Variants in MED12L observed in about 807,000 individuals in gnomAD.
MED12L encodes the protein mediator complex subunit 12L.
MED12L carries 60 observed loss-of-function variants against 281.3 expected under a neutral mutation model. That is an observed-to-expected ratio of 0.21 (90% confidence interval 0.17 to 0.26). The LOEUF (loss-of-function observed/expected upper bound fraction) is 0.26. Ranked by LOEUF, MED12L falls within the 10% of genes least tolerant of loss-of-function variation. The pLI, the probability that MED12L is intolerant of heterozygous loss-of-function variation, is 1.00. For missense variants in MED12L, 2,146 were observed against 2,680.9 expected (o/e 0.80, Z 4.41); for synonymous variants, 974 against 987.2 (o/e 0.99, Z 0.25).
chr3:151,277,177 T>G (rs1027811940), intron 16 of MED12L, among the ~76,000 whole-genome samples: 2 of 151,452 alleles, frequency 1.3e-5, no homozygotes, highest in Non-Finnish European at 2.9e-5. Flanking sequence ...GTGCTGGGAT[T>G]ACAGGTGTGA....
intron 11 of MED12L, among the ~76,000 whole-genome samples, chr3:151,183,621 T>C (rs73018622): frequency 0.074 from 11,249 of 152,318 alleles, 956 homozygotes; most frequent in East Asian, 0.2. Flanking sequence ...TGTTGTAGTT[T>C]ATTCAGTAGA....
chr3:151,330,637 T>A (rs556118486), intron 16 of MED12L, among the ~76,000 whole-genome samples: 1 of 152,144 alleles, frequency 6.6e-6, no homozygotes, highest in Non-Finnish European at 1.5e-5. Flanking sequence ...TGTTAGTTGA[T>A]CACAAAGTTT....
At chr3:151,220,514 C>G (rs954080068) in intron 16 of MED12L, among the ~76,000 whole-genome samples, 1 of 152,100 alleles carries the variant, frequency 6.6e-6, no homozygotes, top group Non-Finnish European at 1.5e-5. Flanking sequence ...TTGTAGCTCC[C>G]GTAATACCCA....
intron 16 of MED12L, among the ~76,000 whole-genome samples, chr3:151,345,043 G>A (rs1384493152): frequency 2.6e-5 from 4 of 152,294 alleles, no homozygotes; most frequent in African/African-American, 9.6e-5. Flanking sequence ...TTTAATTCGT[G>A]TAGTACAACA....
rs750573047 is a variant in MED12L, at chr3:151,127,969, C to G, written c.541C>G (p.Pro181Ala). ...SEAKIKKRQA[P>A]DPNLEWTQIS... Reference sequence around the variant, plus strand: ...AGCTAAAATTAAGAAACGTCAGGCTCCTGATCCGAATTTGGGTAAGTGAGA... The same window carrying G: ...AGCTAAAATTAAGAAACGTCAGGCTGCTGATCCGAATTTGGGTAAGTGAGA... Residue 181 changes from proline (P) to alanine (A), a missense_variant, in exon 5 of 45, where the codon CCT becomes GCT. Physicochemically the swap from Pro to Ala is conservative, Grantham distance 27. Around this residue, in one of 9 missense-constraint regions of MED12L, gnomAD observed 722 missense variants for 861.2 expected, o/e 0.84. Transcript: ENST00000687756. 1.9e-6 allele frequency: 3 copies of G among 1,610,978 alleles called. No individual in the cohort carries two copies. The highest frequency in any genetic ancestry group is 8.5e-7 in the Non-Finnish European group (1 of 1,179,152).
intron 16 of MED12L, 64 bp downstream of exon 16, chr3:151,193,730 A>G: frequency 7.3e-7 from 1 of 1,366,798 alleles, no homozygotes; most frequent in Non-Finnish European, 1.0e-6. Flanking sequence ...TAACTGTTGA[A>G]CGTCAGATTA....
At chr3:151,180,785 C>A (rs1312566180) in intron 11 of MED12L, among the ~76,000 whole-genome samples, 1 of 152,172 alleles carries the variant, frequency 6.6e-6, no homozygotes, top group Non-Finnish European at 1.5e-5. Flanking sequence ...AAGGACCCAA[C>A]TCTTCTGCAC....
intron 16 of MED12L, among the ~76,000 whole-genome samples, chr3:151,303,387 C>T (rs1203857212): frequency 6.6e-6 from 1 of 152,026 alleles, no homozygotes; most frequent in Admixed American, 6.6e-5. Flanking sequence ...AGAAGTACTC[C>T]TGGCTGGTGA....
chr3:151,219,568 C>G (rs2055515640), intron 16 of MED12L: 1 of 152,102 alleles, frequency 6.6e-6, no homozygotes, highest in Admixed American at 6.5e-5. Context: ...TATGAGGTCT[C>G]TTTTCAGTGA....
At chr3:151,413,387 A>T (rs1185929785) in intron 42 of MED12L, 92 bp downstream of exon 42, 7 of 1,419,156 alleles carry the variant, frequency 4.9e-6, no homozygotes, top group South Asian at 1.4e-5. Flanking sequence ...TATAGTTGTC[A>T]ATTGCCAGAT....
Position 151,413,186 on chromosome 3 carries a change from T to C in MED12L, c.6188T>C (p.Ile2063Thr), listed in dbSNP as rs1717150457. The change falls in exon 42 of 45, where the codon ATT (isoleucine) becomes ACT (threonine). Residue 2063 changes from isoleucine (I) to threonine (T), a missense_variant. By Grantham distance (89) the Ile-to-Thr change is moderately conservative. Coordinates refer to ENST00000687756, the MANE Select transcript of MED12L (RefSeq NM_001393769.1). ...CAGAGCCCTCTGGTGGGCGGGGGAA[T>C]TGATGCTGTGCTGACTTCTGCACAT... Reference protein sequence around the residue: ...LQQSPLVGGGIDAVLTSAHPN... With the variant: ...LQQSPLVGGGTDAVLTSAHPN... 6.2e-7 allele frequency: 1 copy of C among 1,614,004 alleles called. No individual in the cohort carries two copies. The highest frequency in any genetic ancestry group is 1.3e-5 in the African/African-American group (1 of 74,922).
At chr3:151,124,634 C>T (rs1714234681) in intron 4 of MED12L, among the ~76,000 whole-genome samples, 1 of 152,198 alleles carries the variant, frequency 6.6e-6, no homozygotes, top group Non-Finnish European at 1.5e-5. Flanking sequence ...GGTTTACTTG[C>T]TAAGATCCTG....
chr3:151,402,915 C>T (rs1715859278), intron 39 of MED12L, among the ~76,000 whole-genome samples: 2 of 152,160 alleles, frequency 1.3e-5, no homozygotes, highest in African/African-American at 2.4e-5. Flanking sequence ...TTCTTGCTGT[C>T]CCCTTTCTGT....
rs188065324 is a variant in MED12L at position 151,118,256 on chromosome 3, A to G, written c.204+1814A>G. On this transcript the variant is annotated intron_variant, in intron 3 of 44. Coordinates refer to ENST00000687756, the MANE Select transcript of MED12L (RefSeq NM_001393769.1). ...AAATCAGACATGCAGGTGAATTTCT[A>G]TTTCCTTTCCCTTCTCCAGAGAAAC... Among the ~76,000 whole-genome samples the G allele has an allele frequency of 1.3e-3, 198 of 152,256 alleles. 1 individual carries two copies. Among genetic ancestry groups the G allele is most frequent in the African/African-American group, 4.1e-3 (171 of 41,532 alleles).
At chr3:151,353,864 G>A (rs117887381) in intron 17 of MED12L, among the ~76,000 whole-genome samples, 2,524 of 152,104 alleles carry the variant, frequency 0.017, 181 homozygotes, top group East Asian at 0.15. Flanking sequence ...AGTGCTGGCC[G>A]GGCGCGGTGG....
intron 16 of MED12L, among the ~76,000 whole-genome samples, chr3:151,314,458 C>T (rs1747970559): frequency 6.6e-6 from 1 of 152,172 alleles, no homozygotes; most frequent in Non-Finnish European, 1.5e-5. Context: ...CTTGCATTTG[C>T]TTCTGCTCTT....
chr3:151,244,789 G>C (rs1488450724), intron 16 of MED12L, among the ~76,000 whole-genome samples: 2 of 152,166 alleles, frequency 1.3e-5, no homozygotes, highest in Admixed American at 6.5e-5. Flanking sequence ...CAAGGAAATA[G>C]AGTCACAAAA....
intron 16 of MED12L, among the ~76,000 whole-genome samples, chr3:151,281,280 T>G (rs1381799207): frequency 2.1e-5 from 3 of 141,394 alleles, no homozygotes; most frequent in Non-Finnish European, 4.6e-5. Context: ...CATGGTGGAG[T>G]TCGCCTGTGA....
intron 5 of MED12L, among the ~76,000 whole-genome samples, chr3:151,135,395 A>G (rs1716000234): frequency 1.3e-5 from 2 of 152,254 alleles, no homozygotes; most frequent in South Asian, 4.1e-4. Context: ...GTAAATGTAG[A>G]CCATTGATAA....
Sources: gnomAD v4.1 joint callset for allele counts (sites outside exome capture counted in the v4.1 genomes callset) on GRCh38, gnomAD v4.1.1 for gene constraint, gnomAD v4.1.1 regional missense constraint, MANE v1.5 for transcripts, NCBI Gene and HGNC (gene_info 2026-07-23, HGNC 2026-07-21) for gene names.